ZNF260: variants seen among roughly 807,000 people sequenced by gnomAD.
The protein encoded by ZNF260 is zfp-260.
In ZNF260, 21 loss-of-function variants were observed where a neutral mutation model predicts 29.3. The ratio of observed to expected loss-of-function variants is 0.72; its 90% CI spans 0.51 to 1.03. The LOEUF (loss-of-function observed/expected upper bound fraction) is 1.03, where lower values mean the gene tolerates loss of function less well. Ranked by LOEUF, ZNF260 falls within the 50% of genes least tolerant of loss-of-function variation. The pLI, the probability that ZNF260 is intolerant of heterozygous loss-of-function variation, is 0.00. For synonymous variants in ZNF260, 156 were observed against 156.8 expected (o/e 0.99, Z 0.04); for missense variants, 465 against 487.8 (o/e 0.95, Z 0.44).
Position 36,514,363 on chromosome 19 carries a change from A to C in ZNF260, c.876T>G (p.Ile292Met), listed in dbSNP as rs1237989417. The C allele has an allele frequency of 1.7e-5, 27 of 1,613,506 alleles. No homozygotes were observed. The highest frequency in any genetic ancestry group is 2.3e-5 in the Non-Finnish European group (27 of 1,179,644). ...CTCCTGTATGAATATTGTGATGTTT[A>C]ATGAGGTATTGCTTCTGCCTGAAGA... ...GTIFRQKQYL[I>M]KHHNIHTGEK... is the part of the protein sequence containing the mutation. The change falls in exon 3 of 3, where the codon ATT (isoleucine) becomes ATG (methionine). Residue 292 changes from isoleucine to methionine, a missense_variant. Ile to Met is a conservative substitution (Grantham distance 10). Coordinates refer to ENST00000523638, the MANE Select transcript of ZNF260 (RefSeq NM_001166037.2).
rs2034480294 is a variant in ZNF260 at position 36,513,155 on chromosome 19, T to C, written c.*845A>G. 6.6e-6 allele frequency: 1 copy of C among 152,086 alleles called. No homozygotes were observed. Among genetic ancestry groups the C allele is most frequent in the African/African-American group, 2.4e-5 (1 of 41,428 alleles). 9.4% of individuals were successfully genotyped at this position (152,086 alleles called of 1,614,324 possible). On this transcript the variant is annotated 3_prime_UTR_variant, in exon 3 of 3. Coordinates refer to ENST00000523638, the MANE Select transcript of ZNF260 (RefSeq NM_001166037.2). ...AAATTTTATCATAGGTATGTATATA[T>C]AAGAAAAAAACATAGACATAGAGTT...
rs2034768950 is a variant in ZNF260, at chr19:36,528,210, C to CCAAGTCCCACAGGGCCGAAACG, written c.-681+8_-681+9insCGTTTCGGCCCTGTGGGACTTG. 6.6e-6 allele frequency: 1 copy of CCAAGTCCCACAGGGCCGAAACG among 152,428 alleles called. No individual in the cohort carries two copies. Among genetic ancestry groups the CCAAGTCCCACAGGGCCGAAACG allele is most frequent in the African/African-American group, 2.4e-5 (1 of 41,448 alleles). The allele number at this position is 152,428 out of a possible 1,614,324, so 9.4% of individuals were successfully genotyped here. ...AACCCAAGTCCCACAGGGCCGAAAC[C>CCAAGTCCCACAGGGCCGAAACG]CAACTCACCGGCAGACAAAGACGAC... is the stretch of plus-strand genomic sequence containing the variant. On this transcript the variant is annotated intron_variant, in intron 1 of 2. Transcript: ENST00000523638.
Position 36,521,412 on chromosome 19 carries a change from GAAC to G in ZNF260, c.-462+3740_-462+3742del, listed in dbSNP as rs897265007. On this transcript the variant is annotated intron_variant, in intron 2 of 2. Coordinates refer to ENST00000523638, the MANE Select transcript of ZNF260 (RefSeq NM_001166037.2). ...TGAACTGAACTAGAAAACATAATCA[GAAC>G]AACAAGTAAAATGGTTCTTTCAACA... is the stretch of plus-strand genomic sequence containing the variant. Among the ~76,000 whole-genome samples the G allele has an allele frequency of 4.7e-4, 72 of 152,260 alleles. 1 individual carries two copies. The highest frequency in any genetic ancestry group is 1.5e-3 in the African/African-American group (64 of 41,542).
chr19:36,520,025 C>A (rs954585907), intron 2 of ZNF260, among the ~76,000 whole-genome samples: 5 of 151,290 alleles, frequency 3.3e-5, no homozygotes, highest in Admixed American at 2.6e-4. Flanking sequence ...CATGGAGAAA[C>A]CCCATCTCTA....
At chr19:36,523,009 A>C (rs1258867347) in intron 2 of ZNF260, among the ~76,000 whole-genome samples, 2 of 152,190 alleles carry the variant, frequency 1.3e-5, no homozygotes, top group Non-Finnish European at 2.9e-5. Context: ...CTCTCTCCTC[A>C]ACAATCAATT....
At chr19:36,517,653 T>G (rs1433450234) in intron 2 of ZNF260, among the ~76,000 whole-genome samples, 1 of 151,920 alleles carries the variant, frequency 6.6e-6, no homozygotes, top group Non-Finnish European at 1.5e-5. Flanking sequence ...AAGTTTATCA[T>G]CCAGACAAAA....
chr19:36,514,381 C>T lies in ZNF260; in HGVS notation c.858G>A (p.Arg286=). ...GATGTTTAATGAGGTATTGCTTCTGCCTGAAGATTGTTCCACATTCATTAC... is the reference window on the plus strand; with the variant it reads ...GATGTTTAATGAGGTATTGCTTCTGTCTGAAGATTGTTCCACATTCATTAC... ...YKCNECGTIF[R]QKQYLIKHHN... The change falls in exon 3 of 3, where the codon AGG becomes AGA. Residue 286 remains arginine, a synonymous_variant. Transcript: ENST00000523638. 6.2e-7 allele frequency: 1 copy of T among 1,613,256 alleles called. No individual in the cohort carries two copies.
chr19:36,526,647 G>A (rs1227233419), intron 1 of ZNF260, among the ~76,000 whole-genome samples: 1 of 151,970 alleles, frequency 6.6e-6, no homozygotes, highest in South Asian at 2.1e-4. Context: ...GTAATACAAC[G>A]TAAATGTCTG....
Position 36,514,985 on chromosome 19 carries a change from CA to C in ZNF260, c.253del (p.Cys85ValfsTer239), listed in dbSNP as rs1568550457. The C allele has an allele frequency of 3.1e-6, 5 of 1,614,088 alleles. No homozygotes were observed. The highest frequency in any genetic ancestry group is 4.2e-6 in the Non-Finnish European group (5 of 1,180,004). On this transcript the variant is annotated frameshift_variant, in exon 3 of 3. Transcript: ENST00000523638. LOFTEE classifies it high-confidence loss of function. ...GCTGAAGGCTTTTCCACATTTATTA[CA>C]TTTATATGCCTTCTTTCCTGTGTGA... ...RSHTGKKAYK[C>X]NKCGKAFSQK... is the part of the protein sequence containing the mutation.
chr19:36,516,809 A>G (rs2034559241), intron 2 of ZNF260, among the ~76,000 whole-genome samples: 1 of 151,920 alleles, frequency 6.6e-6, no homozygotes, highest in Non-Finnish European at 1.5e-5. Flanking sequence ...CGATCTCCTG[A>G]CCTCGTGATC....
rs773108762 is a variant in ZNF260, at chr19:36,515,120, T to G, written c.119A>C (p.Gln40Pro). 2 of 1,614,006 alleles carry G rather than the reference T, an allele frequency of 1.2e-6. No individual in the cohort carries two copies. Among genetic ancestry groups the G allele is most frequent in the Non-Finnish European group, 1.7e-6 (2 of 1,179,986 alleles). Residue 40 changes from glutamine to proline, a missense_variant, in exon 3 of 3, where the codon CAA becomes CCA. Transcript: ENST00000523638. ...CATTTTCTTATGCTCTACAAGGTTT[T>G]GCTTCAGGCTAAAAGTTTTTCTACA... Reference protein sequence around the residue: ...NECRKTFSLKQNLVEHKKMHT... With the variant: ...NECRKTFSLKPNLVEHKKMHT...
At chr19:36,520,203 A>C (rs1397200142) in intron 2 of ZNF260, among the ~76,000 whole-genome samples, 1 of 150,174 alleles carries the variant, frequency 6.7e-6, no homozygotes, top group Non-Finnish European at 1.5e-5. Context: ...TGTCTCAAAA[A>C]AAAAAAAAAA....
intron 1 of ZNF260, among the ~76,000 whole-genome samples, chr19:36,527,293 C>T (rs1199877413): frequency 1.3e-5 from 2 of 152,138 alleles, no homozygotes; most frequent in African/African-American, 2.4e-5. Flanking sequence ...GTATCTTTTA[C>T]TTTTTCTGTA....
At position 36,514,338 on chromosome 19, in the gene ZNF260, C is replaced by T; in HGVS notation, c.901G>A (p.Glu301Lys). Residue 301 changes from glutamate to lysine, a missense_variant, in exon 3 of 3, where the codon GAG (glutamate) becomes AAG (lysine). Physicochemically the swap from Glu to Lys is moderately conservative, Grantham distance 56. Coordinates refer to ENST00000523638, the MANE Select transcript of ZNF260 (RefSeq NM_001166037.2). ...LIKHHNIHTGEKPYECNKCGK... is the reference protein window; with the variant it reads ...LIKHHNIHTGKKPYECNKCGK... Reference sequence around the variant, plus strand: ...CATTTATTACATTCATAGGGTTTCTCTCCTGTATGAATATTGTGATGTTTA... The same window carrying T: ...CATTTATTACATTCATAGGGTTTCTTTCCTGTATGAATATTGTGATGTTTA... 1 of 1,614,044 alleles carries T rather than the reference C, an allele frequency of 6.2e-7. No homozygotes were observed. Among genetic ancestry groups the T allele is most frequent in the South Asian group, 1.1e-5 (1 of 91,076 alleles).
chr19:36,518,609 A>G (rs77465868), intron 2 of ZNF260, among the ~76,000 whole-genome samples: 2,039 of 152,286 alleles, frequency 0.013, 53 homozygotes, highest in African/African-American at 0.046. Flanking sequence ...GGGTTAGTGG[A>G]AGAATCTGGA....
chr19:36,514,415 G>C lies in ZNF260; in HGVS notation c.824C>G (p.Pro275Arg), dbSNP rs1388201739. The change falls in exon 3 of 3, where the codon CCC becomes CGC. Residue 275 changes from proline to arginine, a missense_variant. Transcript: ENST00000523638. Reference protein sequence around the residue: ...EHEKIHIGEKPYKCNECGTIF... With the variant: ...EHEKIHIGEKRYKCNECGTIF... ...TGTTCCACATTCATTACATTTGTAG[G>C]GTTTCTCTCCAATATGAATTTTCTC... is the stretch of plus-strand genomic sequence containing the variant. 1.9e-6 allele frequency: 3 copies of C among 1,613,784 alleles called. No individual in the cohort carries two copies. Among genetic ancestry groups the C allele is most frequent in the Non-Finnish European group, 2.5e-6 (3 of 1,179,932 alleles).
At chr19:36,526,675 T>G (rs1164238554) in intron 1 of ZNF260, among the ~76,000 whole-genome samples, 1 of 152,224 alleles carries the variant, frequency 6.6e-6, no homozygotes, top group Non-Finnish European at 1.5e-5. Flanking sequence ...GTTGTTATAC[T>G]GTATTGTTTA....
intron 1 of ZNF260, among the ~76,000 whole-genome samples, chr19:36,526,789 C>G (rs190438552): frequency 2.0e-4 from 30 of 152,278 alleles, no homozygotes; most frequent in Middle Eastern, 3.4e-3. Flanking sequence ...GAAGCAGAGC[C>G]TACAGACACA....
At position 36,515,278 on chromosome 19, in the gene ZNF260, A is replaced by G; in HGVS notation, c.-40T>C. The G allele has an allele frequency of 6.8e-7, 1 of 1,479,006 alleles. No individual in the cohort carries two copies. Among genetic ancestry groups the G allele is most frequent in the South Asian group, 1.4e-5 (1 of 69,450 alleles). 91.6% of individuals were successfully genotyped at this position (1,479,006 alleles called of 1,614,324 possible). A position where few individuals can be genotyped will look rare whatever the true frequency, so the allele number is the denominator to read the frequency against. ...TCAGGAGATTTCCCTAGTATCAAAT[A>G]AGATGTAATAAGGATGAAAGCTTTC... is the stretch of plus-strand genomic sequence containing the variant. On this transcript the variant is annotated 5_prime_UTR_variant, in exon 3 of 3. Coordinates refer to ENST00000523638, the MANE Select transcript of ZNF260 (RefSeq NM_001166037.2).
Sources: gnomAD v4.1 joint callset for allele counts (sites outside exome capture counted in the v4.1 genomes callset) on GRCh38, gnomAD v4.1.1 for gene constraint, MANE v1.5 for transcripts, NCBI Gene and HGNC (gene_info 2026-07-23, HGNC 2026-07-21) for gene names.